Variants in TCTN2 observed in about 807,000 individuals in gnomAD.
TCTN2 encodes the protein tectonic-2.
In TCTN2, 66 loss-of-function variants were observed where a neutral mutation model predicts 83.4. The observed-to-expected ratio is 0.79, with a 90% CI of 0.65 to 0.97. TCTN2 has a LOEUF of 0.97. Among genes scored for constraint, TCTN2 ranks in the 50% least tolerant of loss-of-function variants. The pLI, the probability that TCTN2 is intolerant of heterozygous loss-of-function variation, is 0.00. For missense variants in TCTN2, 794 were observed against 858.1 expected (o/e 0.93, Z 0.93); for synonymous variants, 301 against 326.7 (o/e 0.92, Z 0.85).
intron 7 of TCTN2, among the ~76,000 whole-genome samples, chr12:123,690,327 C>T (rs1050156335): frequency 2.6e-4 from 40 of 152,294 alleles, no homozygotes; most frequent in African/African-American, 2.9e-4. Flanking sequence ...TACTGTGACT[C>T]CACAACCAGT....
intron 15 of TCTN2, among the ~76,000 whole-genome samples, chr12:123,706,475 GACA>G (rs1956231054): frequency 1.3e-5 from 2 of 152,232 alleles, no homozygotes; most frequent in African/African-American, 2.4e-5. Context: ...GAGTGAGACT[GACA>G]ACAAGACTGG....
intron 13 of TCTN2, among the ~76,000 whole-genome samples, chr12:123,697,786 G>T (rs1469965396): frequency 6.6e-6 from 1 of 151,614 alleles, no homozygotes; most frequent in African/African-American, 2.4e-5. Flanking sequence ...AAGCCACCGC[G>T]CCTGGCCTCA....
Position 123,671,314 on chromosome 12 carries a change from G to A in TCTN2, c.74G>A (p.Gly25Glu), listed in dbSNP as rs1955746704. The A allele has an allele frequency of 1.2e-6, 2 of 1,613,720 alleles. No homozygotes were observed. The highest frequency in any genetic ancestry group is 2.7e-5 in the African/African-American group (2 of 74,910). ...LLQGILRLLW[G>E]DLAFIPPFIR... The stretch of plus-strand genomic sequence containing the variant: ...CAGGGCATCCTGAGGCTTCTGTGGG[G>A]GGACCTGGGTGTGTACGGCGCGGCA... The change falls in exon 1 of 18, where the codon GGG becomes GAG. Residue 25 changes from glycine (G) to glutamate (E), a missense_variant. By Grantham distance (98) the Gly-to-Glu change is moderately conservative. Transcript: ENST00000303372.
At chr12:123,678,139 T>G (rs1453485964) in intron 4 of TCTN2, among the ~76,000 whole-genome samples, 1 of 152,202 alleles carries the variant, frequency 6.6e-6, no homozygotes, top group African/African-American at 2.4e-5. Flanking sequence ...TCTCACTGTA[T>G]CATCCCTGCA....
chr12:123,697,804 C>G (rs1212998110), intron 13 of TCTN2, among the ~76,000 whole-genome samples: 1 of 151,760 alleles, frequency 6.6e-6, no homozygotes, highest in Admixed American at 6.6e-5. Flanking sequence ...TCATTGGAAC[C>G]TTATACTCCT....
chr12:123,674,204 G>T (rs145740735), intron 4 of TCTN2, among the ~76,000 whole-genome samples: 184 of 151,452 alleles, frequency 1.2e-3, no homozygotes, highest in Middle Eastern at 3.4e-3. Context: ...TTTCTCTACT[G>T]TTTGCATCTT....
chr12:123,686,463 G>A (rs960975136), intron 5 of TCTN2, among the ~76,000 whole-genome samples: 3 of 152,132 alleles, frequency 2.0e-5, no homozygotes, highest in Non-Finnish European at 4.4e-5. Context: ...GGCTTTTCTG[G>A]GCTAAGGGTT....
At chr12:123,676,202 C>A in intron 4 of TCTN2, among the ~76,000 whole-genome samples, 1 of 152,038 alleles carries the variant, frequency 6.6e-6, no homozygotes, top group East Asian at 1.9e-4. Context: ...ATCGCTTGAG[C>A]CCAGGAGGTG....
chr12:123,675,886 A>C (rs1293285471), intron 4 of TCTN2, among the ~76,000 whole-genome samples: 1 of 152,158 alleles, frequency 6.6e-6, no homozygotes, highest in Non-Finnish European at 1.5e-5. Flanking sequence ...AAACAAAGCC[A>C]AAAAAACCGT....
At chr12:123,685,236 CATCTTCAG>C (rs1955950023) in intron 5 of TCTN2, among the ~76,000 whole-genome samples, 2 of 152,110 alleles carry the variant, frequency 1.3e-5, no homozygotes, top group South Asian at 4.1e-4. Flanking sequence ...GGATCAGTGA[CATCTTCAG>C]ATAACCACAA....
intron 12 of TCTN2, 191 bp from the exon 13 acceptor site, chr12:123,696,885 GAAACCACCGCT>G (rs1384419091): frequency 1.7e-6 from 1 of 575,556 alleles, no homozygotes; most frequent in Non-Finnish European, 3.1e-6. Flanking sequence ...CACTTCTGAA[GAAACCACCGCT>G]CAGGATCTGA....
intron 3 of TCTN2, 24 bp downstream of exon 3, chr12:123,672,156 C>T (rs1432735226): frequency 6.2e-7 from 1 of 1,609,890 alleles, no homozygotes; most frequent in Non-Finnish European, 8.5e-7. Context: ...TAAACCTTCT[C>T]TGTAGCCTGT....
In TCTN2 at chr12:123,673,680, T is replaced by C. The variant is rs534113568; in HGVS notation, c.333T>C (p.Asp111=). 10 of 1,614,204 alleles carry C rather than the reference T, an allele frequency of 6.2e-6. No individual in the cohort carries two copies. The highest frequency in any genetic ancestry group is 2.2e-5 in the East Asian group (1 of 44,880). The change falls in exon 4 of 18, where the codon GAT becomes GAC. Residue 111 remains aspartate (D), a synonymous_variant. Coordinates refer to ENST00000303372, the MANE Select transcript of TCTN2 (RefSeq NM_024809.5). ...ACTGGTGTTCCTCCAATGAGACAGA[T>C]TCCTTCTCAGAGTCCCCCTGTATCC... The part of the protein sequence containing the change: ...GLDWCSSNET[D]SFSESPCILQ...
At chr12:123,692,084 G>A (rs756318677) in intron 8 of TCTN2, among the ~76,000 whole-genome samples, 6 of 152,058 alleles carry the variant, frequency 3.9e-5, no homozygotes, top group Non-Finnish European at 7.4e-5. Flanking sequence ...TAGTAGAGAC[G>A]AAGTTTAGTA....
Position 123,707,762 on chromosome 12 carries a change from C to A in TCTN2, c.*49C>A. 6.8e-7 allele frequency: 1 copy of A among 1,461,136 alleles called. No individual in the cohort carries two copies. Among genetic ancestry groups the A allele is most frequent in the Non-Finnish European group, 9.6e-7 (1 of 1,042,392 alleles). The allele number at this position is 1,461,136 out of a possible 1,614,324, so 90.5% of individuals were successfully genotyped here. ...TTGAGATGGAGTTTTGCTCTTGTTG[C>A]CCAGGCTGAAGTGATCTCGGCTCAC... On this transcript the variant is annotated 3_prime_UTR_variant, in exon 18 of 18. Coordinates refer to ENST00000303372, the MANE Select transcript of TCTN2 (RefSeq NM_024809.5).
At chr12:123,692,282 C>A (rs1956052647) in intron 8 of TCTN2, among the ~76,000 whole-genome samples, 1 of 152,000 alleles carries the variant, frequency 6.6e-6, no homozygotes, top group African/African-American at 2.4e-5. Flanking sequence ...TGACCTCAGG[C>A]AATCTGCCTG....
intron 9 of TCTN2, among the ~76,000 whole-genome samples, chr12:123,693,176 G>A (rs1214365051): frequency 2.0e-5 from 3 of 150,492 alleles, no homozygotes; most frequent in South Asian, 2.1e-4. Context: ...ATAGTCACCC[G>A]CCACCACACC....
chr12:123,671,309 G>GT lies in TCTN2; in HGVS notation c.70dup (p.Trp24LeufsTer54). 6.2e-7 allele frequency: 1 copy of GT among 1,613,896 alleles called. No homozygotes were observed. On this transcript the variant is annotated frameshift_variant, in exon 1 of 18. Transcript: ENST00000303372. LOFTEE classifies it high-confidence loss of function. ...TTCTGCAGGGCATCCTGAGGCTTCT[G>GT]TGGGGGGACCTGGGTGTGTACGGCG...
chr12:123,690,562 C>T lies in TCTN2; in HGVS notation c.921C>T (p.Asn307=), dbSNP rs199695156. 1.3e-5 allele frequency: 21 copies of T among 1,614,060 alleles called. No individual in the cohort carries two copies. The highest frequency in any genetic ancestry group is 6.7e-5 in the East Asian group (3 of 44,894). Reference sequence around the variant, plus strand: ...CCCTGGCTGGGCAGTGTATGCAGAACGCCCCAGTGGCATTTCTTCACAATT... The same window carrying T: ...CCCTGGCTGGGCAGTGTATGCAGAATGCCCCAGTGGCATTTCTTCACAATT... ...QVSLAGQCMQ[N]APVAFLHNFD... is the part of the protein sequence containing the mutation. Residue 307 remains asparagine (N), a synonymous_variant, in exon 8 of 18, where the codon AAC becomes AAT. Transcript: ENST00000303372.
Sources: allele counts gnomAD v4.1 joint callset (sites outside exome capture counted in the v4.1 genomes callset), GRCh38; gene constraint gnomAD v4.1.1; transcripts MANE v1.5; gene names NCBI Gene and HGNC (gene_info 2026-07-23, HGNC 2026-07-21).